FUT9: variants seen among roughly 807,000 people sequenced by gnomAD.
The protein encoded by FUT9 is 4-galactosyl-N-acetylglucosaminide 3-alpha-L-fucosyltransferase 9.
FUT9 carries 15 observed loss-of-function variants against 29.7 expected under a neutral mutation model. That is an observed-to-expected ratio of 0.51 (90% CI 0.34 to 0.78). The LOEUF is 0.78. FUT9 is among the 30% of genes least tolerant of loss of function. The pLI, the probability that FUT9 is intolerant of heterozygous loss-of-function variation, is 0.01. For synonymous variants in FUT9, 169 were observed against 153.7 expected (o/e 1.10, Z -0.74); for missense variants, 319 against 425.4 (o/e 0.75, Z 2.20).
At chr6:96,057,877 T>C (rs138774381) in intron 1 of FUT9, among the ~76,000 whole-genome samples, 2 of 152,300 alleles carry the variant, frequency 1.3e-5, no homozygotes, top group East Asian at 3.9e-4. Flanking sequence ...GACAATTTTC[T>C]CAAGATTTGT....
At chr6:96,165,373 G>C (rs1772996640) in intron 2 of FUT9, among the ~76,000 whole-genome samples, 1 of 151,798 alleles carries the variant, frequency 6.6e-6, no homozygotes. Flanking sequence ...GGAAGTTGCA[G>C]TGAGCCAAGA....
intron 2 of FUT9, among the ~76,000 whole-genome samples, chr6:96,145,158 C>T (rs1025635440): frequency 5.3e-5 from 8 of 152,064 alleles, no homozygotes; most frequent in Non-Finnish European, 1.0e-4. Flanking sequence ...CCTGGGTTCA[C>T]GCCATTCTCC....
intron 1 of FUT9, among the ~76,000 whole-genome samples, chr6:96,100,371 G>T (rs1771568785): frequency 6.6e-6 from 1 of 151,906 alleles, no homozygotes. Flanking sequence ...TGAGAAAACA[G>T]AAATTTGAGA....
chr6:96,041,527 C>G (rs1209859156), intron 1 of FUT9, among the ~76,000 whole-genome samples: 1 of 152,072 alleles, frequency 6.6e-6, no homozygotes, highest in African/African-American at 2.4e-5. Flanking sequence ...TAATGACAGT[C>G]TTTTAGAGCT....
At chr6:96,196,259 A>G (rs1414765159) in intron 2 of FUT9, among the ~76,000 whole-genome samples, 1 of 152,216 alleles carries the variant, frequency 6.6e-6, no homozygotes, top group East Asian at 1.9e-4. Flanking sequence ...TAATAACAGC[A>G]TAAGAAACTT....
chr6:96,119,038 A>G (rs1771969729), intron 2 of FUT9, among the ~76,000 whole-genome samples: 1 of 152,220 alleles, frequency 6.6e-6, no homozygotes, highest in South Asian at 2.1e-4. Context: ...CTATAAAGTA[A>G]AAAAGTTACA....
rs1773778033 is a variant in FUT9, at chr6:96,203,953, A to G, written c.798A>G (p.Val266=). 2.5e-6 allele frequency: 4 copies of G among 1,613,366 alleles called. No homozygotes were observed. The highest frequency in any genetic ancestry group is 1.7e-5 in the Admixed American group (1 of 59,936). Reference sequence around the variant, plus strand: ...ACAATGCTTTTCTGGCTGGCTCTGTACCTGTTGTTCTGGGACCATCTAGGG... The same window carrying G: ...ACAATGCTTTTCTGGCTGGCTCTGTGCCTGTTGTTCTGGGACCATCTAGGG... The part of the protein sequence containing the change: ...KLYNAFLAGS[V]PVVLGPSREN... Residue 266 remains valine (V), a synonymous_variant, in exon 3 of 3, where the codon GTA becomes GTG. Transcript: ENST00000302103.
intron 2 of FUT9, among the ~76,000 whole-genome samples, chr6:96,177,108 T>A (rs1773218597): frequency 6.6e-6 from 1 of 152,198 alleles, no homozygotes; most frequent in Non-Finnish European, 1.5e-5. Context: ...AATTATGTGA[T>A]ACTCCTCACT....
At chr6:96,171,406 G>A (rs1773110302) in intron 2 of FUT9, among the ~76,000 whole-genome samples, 1 of 152,166 alleles carries the variant, frequency 6.6e-6, no homozygotes. Flanking sequence ...GGTTCCAACT[G>A]CCACAGCTAG....
chr6:96,187,568 G>T (rs1386380709), intron 2 of FUT9, among the ~76,000 whole-genome samples: 1 of 152,084 alleles, frequency 6.6e-6, no homozygotes, highest in African/African-American at 2.4e-5. Flanking sequence ...GGAAAGAAAA[G>T]AAATTTTCAG....
At chr6:96,165,892 AG>A (rs750370783) in intron 2 of FUT9, among the ~76,000 whole-genome samples, 3 of 152,112 alleles carry the variant, frequency 2.0e-5, no homozygotes, top group Non-Finnish European at 4.4e-5. Flanking sequence ...CTGGGATTAC[AG>A]GTGTGAGGCA....
At position 96,088,250 on chromosome 6, in the gene FUT9, A is replaced by C; in HGVS notation, c.-97-25789A>C. Among the ~76,000 whole-genome samples the C allele has an allele frequency of 1.3e-5, 2 of 152,090 alleles. 1 individual carries two copies. The highest frequency in any genetic ancestry group is 4.8e-5 in the African/African-American group (2 of 41,550). ...AACTTAAAGTATAATAAAACATAAA[A>C]AATATAAATATAAAATAAAAAAATA... On this transcript the variant is annotated intron_variant, in intron 1 of 2. Coordinates refer to ENST00000302103, the MANE Select transcript of FUT9 (RefSeq NM_006581.4).
At chr6:96,090,330 A>T (rs1771390028) in intron 1 of FUT9, among the ~76,000 whole-genome samples, 1 of 152,054 alleles carries the variant, frequency 6.6e-6, no homozygotes, top group South Asian at 2.1e-4. Flanking sequence ...CACAGTAGAG[A>T]TTTAAAATAT....
intron 2 of FUT9, among the ~76,000 whole-genome samples, chr6:96,179,520 T>A (rs925293714): frequency 2.6e-5 from 4 of 152,206 alleles, no homozygotes; most frequent in African/African-American, 9.6e-5. Flanking sequence ...ACAGGATTTA[T>A]ATGTTACTTT....
At chr6:96,152,586 T>TA (rs1772697565) in intron 2 of FUT9, among the ~76,000 whole-genome samples, 1 of 152,202 alleles carries the variant, frequency 6.6e-6, no homozygotes, top group African/African-American at 2.4e-5. Context: ...TATAATTTTA[T>TA]AAAATGTCCT....
chr6:96,169,671 T>C (rs1773076863), intron 2 of FUT9, among the ~76,000 whole-genome samples: 1 of 152,184 alleles, frequency 6.6e-6, no homozygotes, highest in East Asian at 1.9e-4. Flanking sequence ...AGAACTATTC[T>C]AAAGTACTTC....
At chr6:96,109,546 CAAT>C (rs1771758748) in intron 1 of FUT9, among the ~76,000 whole-genome samples, 1 of 152,110 alleles carries the variant, frequency 6.6e-6, no homozygotes, top group South Asian at 2.1e-4. Context: ...AATGATGACT[CAAT>C]GATGCATTTG....
intron 2 of FUT9, among the ~76,000 whole-genome samples, chr6:96,143,335 G>A (rs1384049190): frequency 6.6e-6 from 1 of 152,160 alleles, no homozygotes; most frequent in Non-Finnish European, 1.5e-5. Context: ...AATTTTGGTT[G>A]TTTCTAAGAC....
chr6:96,169,986 T>C (rs758423679), intron 2 of FUT9, among the ~76,000 whole-genome samples: 15 of 152,242 alleles, frequency 9.9e-5, no homozygotes, highest in Non-Finnish European at 2.1e-4. Context: ...TAATTCTGAA[T>C]AAAACCAACC....
Sources: allele counts gnomAD v4.1 joint callset (sites outside exome capture counted in the v4.1 genomes callset), GRCh38; gene constraint gnomAD v4.1.1; transcripts MANE v1.5; gene names NCBI Gene and HGNC (gene_info 2026-07-23, HGNC 2026-07-21).